Variants in SYNE1 observed in about 807,000 individuals in gnomAD.
SYNE1 encodes nesprin-1.
In SYNE1, 616 loss-of-function variants were observed where a neutral mutation model predicts 1,111.0. The ratio of observed to expected loss-of-function variants is 0.55; its 90% confidence interval spans 0.52 to 0.59. The LOEUF (loss-of-function observed/expected upper bound fraction) is 0.59. SYNE1 is among the 20% of genes least tolerant of loss of function. SYNE1 has a pLI of 0.00. For missense variants in SYNE1, 10,006 were observed against 10,417.0 expected, an observed-to-expected ratio of 0.96 and a Z score of 1.72; for synonymous variants, 3,855 against 3,825.8, an observed-to-expected ratio of 1.01 and a Z score of -0.28.
Position 152,316,901 on chromosome 6 carries a change from G to A in SYNE1, c.16658C>T (p.Thr5553Ile). ...IEKAKVLAHGTIAWNSASQLR... is the reference protein window; with the variant it reads ...IEKAKVLAHGIIAWNSASQLR... ...CTGGCTTGCAGAATTCCATGCAATAGTTCCATGAGCCAAGACTTTAGCTTT... is the reference window on the plus strand; with the variant it reads ...CTGGCTTGCAGAATTCCATGCAATAATTCCATGAGCCAAGACTTTAGCTTT... The change falls in exon 87 of 146, where the codon ACT becomes ATT. Residue 5553 changes from threonine (T) to isoleucine (I), a missense_variant. Around this residue, in one of 7 missense-constraint regions of SYNE1, gnomAD observed 4,955 missense variants for 5,017.2 expected, o/e 0.99. Transcript: ENST00000367255. The A allele has an allele frequency of 6.2e-7, 1 of 1,614,118 alleles. No individual in the cohort carries two copies. Among genetic ancestry groups the A allele is most frequent in the Non-Finnish European group, 8.5e-7 (1 of 1,180,016 alleles).
intron 51 of SYNE1, among the ~76,000 whole-genome samples, chr6:152,391,788 T>C (rs1457893442): frequency 6.6e-6 from 1 of 152,136 alleles, no homozygotes; most frequent in Non-Finnish European, 1.5e-5. Context: ...ACATTCAGTC[T>C]GTGCTGTGCC....
chr6:152,300,055 A>C (rs181946321), intron 93 of SYNE1, among the ~76,000 whole-genome samples: 1 of 152,318 alleles, frequency 6.6e-6, no homozygotes, highest in Non-Finnish European at 1.5e-5. Context: ...TTATAACTAA[A>C]TGGTTATTTT....
chr6:152,321,360 G>T lies in SYNE1; in HGVS notation c.16114C>A (p.Gln5372Lys). Residue 5372 changes from glutamine (Q) to lysine (K), a missense_variant, in exon 84 of 146, where the codon CAG becomes AAG. Physicochemically the swap from Gln to Lys is moderately conservative, Grantham distance 53 (BLOSUM62 1). Transcript: ENST00000367255. ...ILLTEATNHR[Q>K]NIEKMAEEQK... The stretch of plus-strand genomic sequence containing the variant: ...TCTTCTGCCATTTTTTCAATGTTCT[G>T]TCGGTGATTTGTGGCTTCTGTTAGG... 1.9e-6 allele frequency: 3 copies of T among 1,613,820 alleles called. No homozygotes were observed. The highest frequency in any genetic ancestry group is 2.2e-5 in the East Asian group (1 of 44,822).
intron 124 of SYNE1, among the ~76,000 whole-genome samples, chr6:152,209,381 A>G (rs911770046): frequency 6.6e-6 from 1 of 152,228 alleles, no homozygotes; most frequent in African/African-American, 2.4e-5. Flanking sequence ...AACGTCAACA[A>G]AACAAGTATT....
In SYNE1 at chr6:152,197,293, T is replaced by C. The variant is rs767795354; in HGVS notation, c.23145+4531A>G. Among the ~76,000 whole-genome samples the C allele has an allele frequency of 5.3e-5, 8 of 152,264 alleles. No individual in the cohort carries two copies. In the South Asian group the frequency reaches 6.2e-4, roughly 12 times the overall value. Reference sequence around the variant, plus strand: ...TTCTTATGTAGATAGTTGTTACATTTGGTGTTCCTGCAGGGAGAACAGTCA... The same window carrying C: ...TTCTTATGTAGATAGTTGTTACATTCGGTGTTCCTGCAGGGAGAACAGTCA... On this transcript the variant is annotated intron_variant, in intron 127 of 145. Coordinates refer to ENST00000367255, the MANE Select transcript of SYNE1 (RefSeq NM_182961.4).
chr6:152,279,147 C>CTTTTTTTTTTTT (rs59520598), intron 97 of SYNE1, among the ~76,000 whole-genome samples: 21 of 112,684 alleles, frequency 1.9e-4, no homozygotes, highest in Non-Finnish European at 2.8e-4. Flanking sequence ...CTTTTCTTTT[C>CTTTTTTTTTTTT]TTTTTTTTTT....
intron 99 of SYNE1, among the ~76,000 whole-genome samples, chr6:152,268,404 A>AC (rs2092912975): frequency 2.0e-5 from 3 of 149,548 alleles, no homozygotes; most frequent in African/African-American, 4.9e-5. Flanking sequence ...AAAAAAAAAA[A>AC]CCACCAATGG....
chr6:152,310,370 A>G (rs760015445), intron 89 of SYNE1, 26 bp downstream of exon 89: 3 of 1,613,798 alleles, frequency 1.9e-6, no homozygotes, highest in Admixed American at 3.3e-5. Context: ...CCCTGTCCCT[A>G]TTTACTCCAA....
At position 152,326,535 on chromosome 6, in the gene SYNE1, C is replaced by T; in HGVS notation, c.15054G>A (p.Leu5018=). Reference sequence around the variant, plus strand: ...TCTCCACGTCTAGGCCATTGCCTGCCAGCTGTAACAATTCTTGGGCATCCT... The same window carrying T: ...TCTCCACGTCTAGGCCATTGCCTGCTAGCTGTAACAATTCTTGGGCATCCT... The part of the protein sequence containing the change: ...WLEDAQELLQ[L]AGNGLDVESA... The change falls in exon 79 of 146, where the codon CTG becomes CTA. Residue 5018 remains leucine (L), a synonymous_variant. Coordinates refer to ENST00000367255, the MANE Select transcript of SYNE1 (RefSeq NM_182961.4). The T allele has an allele frequency of 6.2e-7, 1 of 1,614,180 alleles. No individual in the cohort carries two copies. The highest frequency in any genetic ancestry group is 8.5e-7 in the Non-Finnish European group (1 of 1,180,040).
intron 126 of SYNE1, among the ~76,000 whole-genome samples, chr6:152,204,535 T>G (rs532630777): frequency 8.9e-4 from 135 of 152,242 alleles, no homozygotes; most frequent in Non-Finnish European, 1.6e-3. Context: ...TAAATATAGA[T>G]AAGTATTATA....
At chr6:152,367,829 T>C (rs1591262213) in intron 61 of SYNE1, 1 of 207,866 alleles carries the variant, frequency 4.8e-6, no homozygotes, top group Non-Finnish European at 9.9e-6. Flanking sequence ...ACCATACACA[T>C]GGTTTTGTTT....
At chr6:152,172,202 C>T (rs913364808) in intron 130 of SYNE1, among the ~76,000 whole-genome samples, 14 of 152,038 alleles carry the variant, frequency 9.2e-5, no homozygotes, top group African/African-American at 1.9e-4. Context: ...AAAAGAGTGA[C>T]GGCTAATGGG....
At position 152,505,000 on chromosome 6, in the gene SYNE1, C is replaced by G. The variant is rs368690937; in HGVS notation, c.778+201G>C. Among the ~76,000 whole-genome samples, 20 of 152,266 alleles carry G rather than the reference C, an allele frequency of 1.3e-4. No homozygotes were observed. The South Asian group carries it at 3.1e-3, about 24-fold the overall frequency. On this transcript the variant is annotated intron_variant, in intron 9 of 145. Coordinates refer to ENST00000367255, the MANE Select transcript of SYNE1 (RefSeq NM_182961.4). ...ACCAATGCCAAAGTGCTGTTTGGAG[C>G]AATGGGATCATATTTTACCCCAACC...
At chr6:152,353,110 G>A (rs549490933) in intron 69 of SYNE1, among the ~76,000 whole-genome samples, 153 bp downstream of exon 69, 1 of 152,258 alleles carries the variant, frequency 6.6e-6, no homozygotes, top group South Asian at 2.1e-4. Context: ...TGGCCTTAAG[G>A]AGCCAACTTA....
chr6:152,130,798 G>T lies in SYNE1; in HGVS notation c.26095-20C>A. ...TCGTGGCTGTTTGCAATGAACAGGGGGTAAAGAAAGAAGAATGTTCAGTCC... is the reference window on the plus strand; with the variant it reads ...TCGTGGCTGTTTGCAATGAACAGGGTGTAAAGAAAGAAGAATGTTCAGTCC... On this transcript the variant is annotated intron_variant, in intron 144 of 145. Coordinates refer to ENST00000367255, the MANE Select transcript of SYNE1 (RefSeq NM_182961.4). 2 of 1,613,446 alleles carry T rather than the reference G, an allele frequency of 1.2e-6. No homozygotes were observed. Among genetic ancestry groups the T allele is most frequent in the South Asian group, 1.1e-5 (1 of 90,954 alleles).
chr6:152,232,001 C>T (rs2082886762), intron 113 of SYNE1, 115 bp downstream of exon 113: 1 of 754,630 alleles, frequency 1.3e-6, no homozygotes, highest in African/African-American at 1.8e-5. Flanking sequence ...CCTATCTGGT[C>T]ACTGTGTAGG....
intron 116 of SYNE1, among the ~76,000 whole-genome samples, chr6:152,224,973 A>G (rs2081187671): frequency 1.4e-5 from 2 of 147,532 alleles, no homozygotes; most frequent in South Asian, 4.2e-4. Flanking sequence ...ATATATATAC[A>G]TATATGTATA....
At chr6:152,277,783 T>C in intron 98 of SYNE1, 1 of 451,322 alleles carries the variant, frequency 2.2e-6, no homozygotes, top group Non-Finnish European at 4.1e-6. Context: ...GCAACACTCC[T>C]GGAGTAGCCT....
At chr6:152,279,979 A>C (rs994811033) in intron 97 of SYNE1, among the ~76,000 whole-genome samples, 5 of 152,162 alleles carry the variant, frequency 3.3e-5, no homozygotes, top group Non-Finnish European at 4.4e-5. Flanking sequence ...GAATATAATA[A>C]TATGGAATAC....
Sources: gnomAD v4.1 joint callset for allele counts (sites outside exome capture counted in the v4.1 genomes callset) on GRCh38, gnomAD v4.1.1 for gene constraint, gnomAD v4.1.1 regional missense constraint, MANE v1.5 for transcripts, NCBI Gene and HGNC (gene_info 2026-07-23, HGNC 2026-07-21) for gene names.